Variants in IGSF3 observed in about 807,000 individuals in gnomAD.
IGSF3 encodes the protein glu-Trp-Ile EWI motif-containing protein 3.
IGSF3 carries 23 observed loss-of-function variants against 114.4 expected under a neutral mutation model. The observed-to-expected ratio is 0.20, with a 90% confidence interval of 0.14 to 0.28. IGSF3 has a LOEUF of 0.28. Ranked by LOEUF, IGSF3 falls within the 10% of genes least tolerant of loss-of-function variation. The pLI is 1.00. For missense variants in IGSF3, 1,172 were observed against 1,591.5 expected, an observed-to-expected ratio of 0.74 and a Z score of 4.48; for synonymous variants, 571 against 645.2, an observed-to-expected ratio of 0.88 and a Z score of 1.74.
chr1:116,644,846 C>T lies in IGSF3; in HGVS notation c.43+21438G>A, dbSNP rs1571186704. ...TAGTCAGCAATTCCCACCTCAGCAG[C>T]CAGTGACACTACGATATAGGGAAAA... On this transcript the variant is annotated intron_variant, in intron 2 of 10. Transcript: ENST00000369486. This position sits in a 1 kb window ranked among gnomAD's most constrained non-coding sequence, Gnocchi z 5.6. 1.3e-5 allele frequency among the ~76,000 whole-genome samples: 2 copies of T among 152,294 alleles called. No individual in the cohort carries two copies. Among genetic ancestry groups the T allele is most frequent in the East Asian group, 1.9e-4 (1 of 5,176 alleles).
At position 116,647,890 on chromosome 1, in the gene IGSF3, G is replaced by C. The variant is rs1648468077; in HGVS notation, c.43+18394C>G. ...AGGCCAAGGCGGGCGGATCACCTGA[G>C]GTCAGGAGTTCAAGACCAGCCTGGC... On this transcript the variant is annotated intron_variant, in intron 2 of 10. Transcript: ENST00000369486. This position sits in a 1 kb window ranked among gnomAD's most constrained non-coding sequence, Gnocchi z 4.6. 2.0e-5 allele frequency among the ~76,000 whole-genome samples: 3 copies of C among 152,330 alleles called. No individual in the cohort carries two copies. Among genetic ancestry groups the C allele is most frequent in the African/African-American group, 7.2e-5 (3 of 41,568 alleles).
Position 116,632,434 on chromosome 1 carries a change from A to G in IGSF3, c.44-15977T>C, listed in dbSNP as rs931707622. ...TGACATTCCCCAGGACTCAAGCAGC[A>G]TCTGAGAAGCCACTTTCAACATAAC... is the stretch of plus-strand genomic sequence containing the variant. On this transcript the variant is annotated intron_variant, in intron 2 of 10. Coordinates refer to ENST00000369486, the MANE Select transcript of IGSF3 (RefSeq NM_001007237.3). This position sits in a 1 kb window ranked among gnomAD's most constrained non-coding sequence, Gnocchi z 5.1. Among the ~76,000 whole-genome samples the G allele has an allele frequency of 6.6e-6, 1 of 152,182 alleles. No homozygotes were observed. The highest frequency in any genetic ancestry group is 2.4e-5 in the African/African-American group (1 of 41,444).
rs1029277111 is a variant in IGSF3, at chr1:116,593,711, T to C, written c.2030-4607A>G. ...ATATGACACTCCCTCCCTCTCAGCC[T>C]AGCCACAGCCAGGGGATTTCCCTAA... On this transcript the variant is annotated intron_variant, in intron 7 of 10. Coordinates refer to ENST00000369486, the MANE Select transcript of IGSF3 (RefSeq NM_001007237.3). The surrounding 1 kb of genome is among the most constrained non-coding windows in gnomAD (Gnocchi z 4.5). Among the ~76,000 whole-genome samples the C allele has an allele frequency of 5.9e-5, 9 of 152,318 alleles. No homozygotes were observed. The highest frequency in any genetic ancestry group is 5.9e-4 in the Admixed American group (9 of 15,306).
intron 2 of IGSF3, among the ~76,000 whole-genome samples, chr1:116,643,387 C>T (rs11579938): frequency 0.11 from 17,255 of 152,276 alleles, 1,052 homozygotes; most frequent in Middle Eastern, 0.14. Context: ...TGATTCAGGG[C>T]GGACACTCCT....
chr1:116,602,568 A>G (rs1218442282), intron 6 of IGSF3, among the ~76,000 whole-genome samples: 2 of 152,248 alleles, frequency 1.3e-5, no homozygotes, highest in Non-Finnish European at 2.9e-5. Context: ...GCTTTAGAAA[A>G]TAAATGTAAT....
chr1:116,591,987 G>A (rs1660132408), intron 7 of IGSF3, among the ~76,000 whole-genome samples: 1 of 152,176 alleles, frequency 6.6e-6, no homozygotes, highest in African/African-American at 2.4e-5. Context: ...GTGAATTTTA[G>A]CTATTCTCAT....
In IGSF3 at chr1:116,610,924, G is replaced by T. The variant is rs1660995487; in HGVS notation, c.833-2593C>A. On this transcript the variant is annotated intron_variant, in intron 4 of 10. Coordinates refer to ENST00000369486, the MANE Select transcript of IGSF3 (RefSeq NM_001007237.3). This position sits in a 1 kb window ranked among gnomAD's most constrained non-coding sequence, Gnocchi z 4.3. Reference sequence around the variant, plus strand: ...ACAAAAACAAAAGGCAGCCAATGCTGCCACAAATGCAAAAGTCCCGCATGT... The same window carrying T: ...ACAAAAACAAAAGGCAGCCAATGCTTCCACAAATGCAAAAGTCCCGCATGT... Among the ~76,000 whole-genome samples, 1 of 152,162 alleles carries T rather than the reference G, an allele frequency of 6.6e-6. No homozygotes were observed. Among genetic ancestry groups the T allele is most frequent in the Admixed American group, 6.5e-5 (1 of 15,276 alleles).
intron 1 of IGSF3, among the ~76,000 whole-genome samples, 156 bp downstream of exon 1, chr1:116,667,462 C>T (rs957750649): frequency 6.6e-6 from 1 of 152,028 alleles, no homozygotes; most frequent in Non-Finnish European, 1.5e-5. Context: ...TCGCAGCGCG[C>T]CCGCCCAGCC....
At chr1:116,643,532 C>T (rs895774444) in intron 2 of IGSF3, among the ~76,000 whole-genome samples, 10 of 152,264 alleles carry the variant, frequency 6.6e-5, no homozygotes, top group Non-Finnish European at 1.5e-4. Flanking sequence ...GGTCTCAATG[C>T]CTGGTGATCT....
At chr1:116,667,514 G>C (rs932786507) in intron 1 of IGSF3, 104 bp downstream of exon 1, 18 of 150,906 alleles carry the variant, frequency 1.2e-4, no homozygotes, top group African/African-American at 4.1e-4. Context: ...CAGCCGGCGC[G>C]GGCCCGCTCC....
intron 6 of IGSF3, among the ~76,000 whole-genome samples, chr1:116,602,605 G>C (rs1660637046): frequency 6.6e-6 from 1 of 152,206 alleles, no homozygotes; most frequent in Admixed American, 6.5e-5. Context: ...TAAGAAAATG[G>C]AGGACTCTGT....
Position 116,648,029 on chromosome 1 carries a change from G to A in IGSF3, c.43+18255C>T, listed in dbSNP as rs1297634569. Among the ~76,000 whole-genome samples, 2 of 152,222 alleles carry A rather than the reference G, an allele frequency of 1.3e-5. No individual in the cohort carries two copies. Among genetic ancestry groups the A allele is most frequent in the East Asian group, 3.9e-4 (2 of 5,170 alleles). ...TGAGGCAGGAGAATCGCTTGAACCT[G>A]GGAGGCAGAGGTTGCGATAAGCTGA... On this transcript the variant is annotated intron_variant, in intron 2 of 10. Coordinates refer to ENST00000369486, the MANE Select transcript of IGSF3 (RefSeq NM_001007237.3). The surrounding 1 kb of genome is among the most constrained non-coding windows in gnomAD (Gnocchi z 4.7).
intron 2 of IGSF3, among the ~76,000 whole-genome samples, chr1:116,653,582 G>A (rs903684513): frequency 2.6e-5 from 4 of 152,144 alleles, no homozygotes; most frequent in South Asian, 2.1e-4. Context: ...CAAAGATGAC[G>A]TGCATCAGAG....
rs533516115 is a variant in IGSF3 at position 116,575,269 on chromosome 1, T to C, written c.*2043A>G. 1.3e-5 allele frequency: 2 copies of C among 152,674 alleles called. No individual in the cohort carries two copies. The highest frequency in any genetic ancestry group is 2.9e-5 in the Non-Finnish European group (2 of 68,024). The allele number at this position is 152,674 out of a possible 1,614,324, so 9.5% of individuals were successfully genotyped here. On this transcript the variant is annotated 3_prime_UTR_variant, in exon 11 of 11. Coordinates refer to ENST00000369486, the MANE Select transcript of IGSF3 (RefSeq NM_001007237.3). The surrounding 1 kb of genome is among the most constrained non-coding windows in gnomAD (Gnocchi z 5.6). ...CTGAGCCGCTCCTGTACCTCTAATGTGTTGATGCAGCATAATAAATGAGAA... is the reference window on the plus strand; with the variant it reads ...CTGAGCCGCTCCTGTACCTCTAATGCGTTGATGCAGCATAATAAATGAGAA...
At chr1:116,597,248 T>C (rs1300195331) in intron 7 of IGSF3, among the ~76,000 whole-genome samples, 1 of 152,156 alleles carries the variant, frequency 6.6e-6, no homozygotes, top group Non-Finnish European at 1.5e-5. Context: ...TTAAGTGAGG[T>C]AATATACACC....
intron 7 of IGSF3, among the ~76,000 whole-genome samples, chr1:116,599,618 T>C (rs933312284): frequency 1.5e-4 from 23 of 152,210 alleles, no homozygotes; most frequent in African/African-American, 5.3e-4. Flanking sequence ...AGTGGGTGGG[T>C]AGGTTCTTAG....
At chr1:116,635,789 C>A (rs1647800577) in intron 2 of IGSF3, among the ~76,000 whole-genome samples, 1 of 152,220 alleles carries the variant, frequency 6.6e-6, no homozygotes, top group Non-Finnish European at 1.5e-5. Flanking sequence ...CAAAGCCCTT[C>A]ATCTGGAAAG....
intron 2 of IGSF3, among the ~76,000 whole-genome samples, chr1:116,643,653 C>A (rs1162692579): frequency 1.3e-5 from 2 of 152,210 alleles, no homozygotes; most frequent in African/African-American, 4.8e-5. Flanking sequence ...CAGGTGGCTT[C>A]CTGGGTGTGA....
Position 116,627,353 on chromosome 1 carries a change from T to A in IGSF3, c.44-10896A>T, listed in dbSNP as rs1323289712. On this transcript the variant is annotated intron_variant, in intron 2 of 10. Coordinates refer to ENST00000369486, the MANE Select transcript of IGSF3 (RefSeq NM_001007237.3). This position sits in a 1 kb window ranked among gnomAD's most constrained non-coding sequence, Gnocchi z 4.7. ...AGGATACCCCAGTTTCTCCAGACTC[T>A]CAGTCTGGTCCCCAGATTTTCAGTC... Among the ~76,000 whole-genome samples, 6 of 152,190 alleles carry A rather than the reference T, an allele frequency of 3.9e-5. No individual in the cohort carries two copies. The highest frequency in any genetic ancestry group is 1.3e-4 in the Admixed American group (2 of 15,280).
Sources: allele counts gnomAD v4.1 joint callset (sites outside exome capture counted in the v4.1 genomes callset), GRCh38; gene constraint gnomAD v4.1.1; non-coding constraint Gnocchi (gnomAD v3.1); transcripts MANE v1.5; gene names NCBI Gene and HGNC (gene_info 2026-07-23, HGNC 2026-07-21).